The following LIN52 variants were observed in gnomAD, a reference collection of about 807,000 sequenced individuals.
LIN52 encodes the protein lin-52 DREAM MuvB core complex component.
Under a neutral mutation model 18.5 loss-of-function variants are expected in LIN52, and 4 were observed. The ratio of observed to expected loss-of-function variants is 0.22; its 90% confidence interval spans 0.11 to 0.49. LIN52 has a LOEUF of 0.49. Ranked by LOEUF, LIN52 falls within the 20% of genes least tolerant of loss-of-function variation. LIN52 has a pLI of 0.97. For synonymous variants in LIN52, 34 were observed against 45.5 expected, an observed-to-expected ratio of 0.75 and a Z score of 1.02; for missense variants, 102 against 139.5, an observed-to-expected ratio of 0.73 and a Z score of 1.35.
chr14:74,149,185 G>C (rs1236092021), intron 5 of LIN52, among the ~76,000 whole-genome samples: 1 of 152,114 alleles, frequency 6.6e-6, no homozygotes, highest in East Asian at 1.9e-4. Context: ...TCTTTGGAAA[G>C]ATTAGGCAGC....
chr14:74,195,685 A>G (rs1238279745), intron 5 of LIN52, among the ~76,000 whole-genome samples: 1 of 152,114 alleles, frequency 6.6e-6, no homozygotes, highest in African/African-American at 2.4e-5. Context: ...AAATGAACAG[A>G]TGTTAGTATA....
rs188753180 is a variant in LIN52 at position 74,118,022 on chromosome 14, C to T, written c.283+16784C>T. On this transcript the variant is annotated intron_variant, in intron 5 of 5. Transcript: ENST00000555028. ...CTATTGTAGGAGGACACGTTTAAGA[C>T]TGAATGGTTGGATAACGGTAAAGAC... is the stretch of plus-strand genomic sequence containing the variant. Among the ~76,000 whole-genome samples, 51 of 152,270 alleles carry T rather than the reference C, an allele frequency of 3.3e-4. 1 individual carries two copies. Among genetic ancestry groups the T allele is most frequent in the Non-Finnish European group, 6.5e-4 (44 of 68,020 alleles).
At position 74,091,247 on chromosome 14, in the gene LIN52, C is replaced by G. The variant is rs1420716406; in HGVS notation, c.35C>G (p.Ala12Gly). 1 of 1,611,018 alleles carries G rather than the reference C, an allele frequency of 6.2e-7. No homozygotes were observed. Among genetic ancestry groups the G allele is most frequent in the South Asian group, 1.1e-5 (1 of 90,934 alleles). The change falls in exon 2 of 6, where the codon GCA (alanine) becomes GGA (glycine). Residue 12 changes from alanine to glycine, a missense_variant. Transcript: ENST00000555028. ...ASPTDGTDLE[A>G]SLLSFEKLDR... ...TTTGTTCTAGGGACAGATCTGGAAG[C>G]ATCTTTGCTAAGTTTTGAAAAACTT...
chr14:74,101,011 G>A (rs1263553318), intron 4 of LIN52, 144 bp from the exon 5 acceptor site: 4 of 675,204 alleles, frequency 5.9e-6, no homozygotes, highest in Non-Finnish European at 1.0e-5. Flanking sequence ...GTTTAAGATT[G>A]GGGGAGGAGT....
intron 2 of LIN52, among the ~76,000 whole-genome samples, chr14:74,093,736 T>TGGG (rs2060788784): frequency 6.6e-6 from 1 of 152,130 alleles, no homozygotes. Flanking sequence ...GAGGCCGAGG[T>TGGG]GGGCGGATTA....
chr14:74,198,385 A>G (rs1271613048), intron 5 of LIN52, among the ~76,000 whole-genome samples: 2 of 152,132 alleles, frequency 1.3e-5, no homozygotes, highest in East Asian at 3.8e-4. Context: ...AGCTCTATAA[A>G]CCCTACTTTA....
At chr14:74,161,712 G>C (rs2139565618) in intron 5 of LIN52, among the ~76,000 whole-genome samples, 1 of 152,310 alleles carries the variant, frequency 6.6e-6, no homozygotes, top group South Asian at 2.1e-4. Flanking sequence ...TGCATTGCCG[G>C]AGCAGCCCAC....
intron 5 of LIN52, among the ~76,000 whole-genome samples, chr14:74,163,621 T>G (rs1002788459): frequency 6.6e-6 from 1 of 152,078 alleles, no homozygotes; most frequent in Non-Finnish European, 1.5e-5. Flanking sequence ...GAAACCCTAC[T>G]AAAACAATTT....
intron 5 of LIN52, among the ~76,000 whole-genome samples, chr14:74,153,581 G>C (rs1279962838): frequency 6.9e-6 from 1 of 145,510 alleles, no homozygotes; most frequent in Non-Finnish European, 1.5e-5. Context: ...ATTTCTCTCT[G>C]TTGCCCAGGC....
intron 5 of LIN52, 79 bp from the exon 6 acceptor site, chr14:74,198,843 T>A (rs563606760): frequency 9.2e-7 from 1 of 1,089,238 alleles, no homozygotes; most frequent in South Asian, 1.3e-5. Context: ...TCAATCTGCA[T>A]TTTTAAATTA....
intron 5 of LIN52, among the ~76,000 whole-genome samples, chr14:74,146,401 C>T (rs17097119): frequency 0.032 from 4,902 of 152,050 alleles, 203 homozygotes; most frequent in African/African-American, 0.096. Context: ...TAGGGAATCT[C>T]GTAGCCATGG....
chr14:74,088,871 G>A (rs2060752711), intron 1 of LIN52, among the ~76,000 whole-genome samples: 1 of 152,184 alleles, frequency 6.6e-6, no homozygotes, highest in Non-Finnish European at 1.5e-5. Context: ...TGTTAATATT[G>A]AGTACTACTG....
intron 5 of LIN52, among the ~76,000 whole-genome samples, chr14:74,101,620 G>C (rs1310311948): frequency 6.6e-6 from 1 of 151,872 alleles, no homozygotes; most frequent in Admixed American, 6.6e-5. Flanking sequence ...CACTACGCCC[G>C]GCTGATTTTT....
At chr14:74,114,178 G>T (rs915248098) in intron 5 of LIN52, 9 of 222,164 alleles carry the variant, frequency 4.1e-5, no homozygotes, top group African/African-American at 2.9e-4. Flanking sequence ...TGAGATTAGT[G>T]TGTGTGTGTG....
intron 5 of LIN52, among the ~76,000 whole-genome samples, chr14:74,159,500 T>C (rs1223681725): frequency 2.6e-5 from 4 of 152,170 alleles, no homozygotes; most frequent in Non-Finnish European, 5.9e-5. Flanking sequence ...ATGCTCAAAT[T>C]GTCTGTCTTG....
intron 5 of LIN52, among the ~76,000 whole-genome samples, chr14:74,185,958 T>A (rs2061339074): frequency 6.6e-6 from 1 of 152,144 alleles, no homozygotes; most frequent in Admixed American, 6.6e-5. Context: ...GCATATGTAA[T>A]TTTACTTAAA....
chr14:74,175,748 A>ACACACACACACACACC lies in LIN52; in HGVS notation c.284-23171_284-23170insACACACACACACCCAC, dbSNP rs796441764. On this transcript the variant is annotated intron_variant, in intron 5 of 5. Transcript: ENST00000555028. The stretch of plus-strand genomic sequence containing the variant: ...CACACACACACACACACACACACAC[A>ACACACACACACACACC]CACCCCCATTATACAGCTATACCAA... 2.4e-3 allele frequency among the ~76,000 whole-genome samples: 238 copies of ACACACACACACACACC among 98,812 alleles called. 1 individual carries two copies. The highest frequency in any genetic ancestry group is 0.011 in the South Asian group (43 of 3,760). 64.8% of individuals were successfully genotyped at this position (98,812 alleles called of 152,430 possible).
At chr14:74,112,420 T>G (rs2060935313) in intron 5 of LIN52, among the ~76,000 whole-genome samples, 1 of 152,006 alleles carries the variant, frequency 6.6e-6, no homozygotes, top group South Asian at 2.1e-4. Flanking sequence ...ATTCTCCCAC[T>G]TAGTAGAAAA....
At chr14:74,184,238 G>A (rs947064326) in intron 5 of LIN52, among the ~76,000 whole-genome samples, 52 of 152,076 alleles carry the variant, frequency 3.4e-4, no homozygotes, top group African/African-American at 1.2e-3. Context: ...ATGCCACCAC[G>A]CCTGGCTAAT....
Sources: allele counts gnomAD v4.1 joint callset (sites outside exome capture counted in the v4.1 genomes callset), GRCh38; gene constraint gnomAD v4.1.1; transcripts MANE v1.5; gene names NCBI Gene and HGNC (gene_info 2026-07-23, HGNC 2026-07-21).